Variants in PIGB observed in about 807,000 individuals in gnomAD.
PIGB encodes phosphatidylinositol glycan anchor biosynthesis class B.
In PIGB, 58 loss-of-function variants were observed where a neutral mutation model predicts 68.4. That is an observed-to-expected ratio of 0.85 (90% CI 0.69 to 1.06). PIGB has a LOEUF of 1.06. Among genes scored for constraint, PIGB ranks in the 50% least tolerant of loss-of-function variants. The pLI is 0.00. For synonymous variants in PIGB, 219 were observed against 220.5 expected (o/e 0.99, Z 0.06); for missense variants, 634 against 655.8 (o/e 0.97, Z 0.36).
intron 9 of PIGB, among the ~76,000 whole-genome samples, chr15:55,347,990 T>TC (rs1477920082): frequency 8.1e-6 from 1 of 123,104 alleles, no homozygotes; most frequent in East Asian, 2.0e-4. Context: ...TTTCTTTTTT[T>TC]TTTTTTTTTT....
At chr15:55,345,709 A>C (rs917376852) in intron 9 of PIGB, among the ~76,000 whole-genome samples, 4 of 152,304 alleles carry the variant, frequency 2.6e-5, no homozygotes, top group African/African-American at 9.6e-5. Context: ...CATTGAGCCG[A>C]GATCGGCACC....
At chr15:55,354,578 C>T (rs990250101) in intron 10 of PIGB, 1 of 472,030 alleles carries the variant, frequency 2.1e-6, no homozygotes, top group Admixed American at 4.2e-5. Flanking sequence ...CTAGTTTGGG[C>T]TTATAGGTTA....
At chr15:55,334,127 C>T (rs931638770) in intron 6 of PIGB, 120 bp downstream of exon 6, 1 of 605,374 alleles carries the variant, frequency 1.7e-6, no homozygotes, top group Non-Finnish European at 2.6e-6. Context: ...AACTCTTAGT[C>T]CAAGGAAATA....
chr15:55,332,835 C>T (rs987333937), intron 5 of PIGB, among the ~76,000 whole-genome samples: 3 of 152,154 alleles, frequency 2.0e-5, no homozygotes, highest in African/African-American at 7.2e-5. Flanking sequence ...TTGTCTCTTT[C>T]AACCATTAGT....
intron 9 of PIGB, among the ~76,000 whole-genome samples, chr15:55,345,489 T>C (rs2055770941): frequency 6.6e-6 from 1 of 152,226 alleles, no homozygotes; most frequent in Admixed American, 6.5e-5. Context: ...CAGCTGCCAG[T>C]GGCTGACGCC....
At chr15:55,327,669 G>A (rs2055324162) in intron 4 of PIGB, 34 bp downstream of exon 4, 2 of 1,247,114 alleles carry the variant, frequency 1.6e-6, no homozygotes, top group Non-Finnish European at 2.3e-6. Context: ...CTGTATGCCA[G>A]TTATTTCGTT....
chr15:55,319,478 T>G, intron 1 of PIGB, 65 bp downstream of exon 1: 1 of 1,281,448 alleles, frequency 7.8e-7, no homozygotes, highest in South Asian at 1.5e-5. Flanking sequence ...CTCCATTTCA[T>G]TACCAGCCAG....
At chr15:55,324,834 G>A (rs2055243468) in intron 3 of PIGB, 9 of 983,592 alleles carry the variant, frequency 9.2e-6, no homozygotes, top group Non-Finnish European at 1.1e-5. Flanking sequence ...GTAAACAGAA[G>A]GTATGTACAT....
intron 10 of PIGB, among the ~76,000 whole-genome samples, chr15:55,353,076 A>C (rs2055958503): frequency 6.6e-6 from 1 of 152,198 alleles, no homozygotes; most frequent in Admixed American, 6.5e-5. Context: ...CACATTAGGG[A>C]TAATACTGAG....
chr15:55,322,269 T>C (rs2055186467), intron 3 of PIGB, among the ~76,000 whole-genome samples: 1 of 152,194 alleles, frequency 6.6e-6, no homozygotes, highest in Non-Finnish European at 1.5e-5. Context: ...TTATGAAGTC[T>C]GTATACATCT....
intron 5 of PIGB, among the ~76,000 whole-genome samples, chr15:55,333,628 A>T (rs148420374): frequency 2.2e-4 from 33 of 152,338 alleles, no homozygotes; most frequent in African/African-American, 7.5e-4. Flanking sequence ...GCTACTCGGG[A>T]TGCTGAGGCA....
At chr15:55,354,499 A>G (rs577537681) in intron 10 of PIGB, 118 of 267,846 alleles carry the variant, frequency 4.4e-4, no homozygotes, top group African/African-American at 2.5e-3. Context: ...CCGGAACAGA[A>G]TACCAATGCT....
intron 2 of PIGB, among the ~76,000 whole-genome samples, chr15:55,320,926 C>T (rs939231316): frequency 3.3e-5 from 5 of 152,014 alleles, no homozygotes; most frequent in South Asian, 2.1e-4. Flanking sequence ...TTGACACAGC[C>T]GTTAGCATAC....
rs772449483 is a variant in PIGB at position 55,333,970 on chromosome 15, A to T, written c.757A>T (p.Lys253Ter). The T allele has an allele frequency of 1.2e-6, 2 of 1,606,752 alleles. No individual in the cohort carries two copies. Among genetic ancestry groups the T allele is most frequent in the Non-Finnish European group, 1.7e-6 (2 of 1,176,862 alleles). ...LFRHFCQEPRKLDLILHHFLP... is the reference protein window; with the variant it reads ...LFRHFCQEPR ...CAGACATTTCTGTCAAGAACCAAGA[A>T]AGCTTGATCTTATTCTACATCATTT... Residue 253 changes from lysine to a stop codon, truncating the protein, a stop_gained, in exon 6 of 12, where the codon AAG (lysine) becomes TAG (stop). Transcript: ENST00000164305. LOFTEE classifies it high-confidence loss of function.
intron 7 of PIGB, 103 bp from the exon 8 acceptor site, chr15:55,340,509 C>G (rs1049022237): frequency 3.0e-5 from 19 of 631,384 alleles, no homozygotes; most frequent in Non-Finnish European, 4.5e-5. Flanking sequence ...GGTTTTTAGA[C>G]TTCAATTCTG....
intron 6 of PIGB, among the ~76,000 whole-genome samples, chr15:55,338,221 C>G (rs1279815834): frequency 6.6e-6 from 1 of 152,178 alleles, no homozygotes; most frequent in Non-Finnish European, 1.5e-5. Flanking sequence ...CTCCAGTGAT[C>G]CCATCCTCCT....
intron 11 of PIGB, 43 bp from the exon 12 acceptor site, chr15:55,355,243 C>CA: frequency 6.6e-7 from 1 of 1,513,744 alleles, no homozygotes; most frequent in Admixed American, 1.9e-5. Context: ...CAGTACTCAG[C>CA]AAAATGTAGC....
intron 11 of PIGB, 123 bp downstream of exon 11, chr15:55,355,101 G>A: frequency 2.1e-6 from 2 of 946,616 alleles, no homozygotes; most frequent in South Asian, 1.6e-5. Context: ...TTCATAATTA[G>A]TCTTTTCTCC....
intron 9 of PIGB, chr15:55,346,436 C>T (rs944486803): frequency 9.9e-5 from 15 of 152,178 alleles, no homozygotes; most frequent in African/African-American, 3.6e-4. Context: ...TCCCATTCCC[C>T]AGAGGTAACT....
Sources: allele counts gnomAD v4.1 joint callset (sites outside exome capture counted in the v4.1 genomes callset), GRCh38; gene constraint gnomAD v4.1.1; transcripts MANE v1.5; gene names NCBI Gene and HGNC (gene_info 2026-07-23, HGNC 2026-07-21).